Variants in MAP3K4 observed in about 807,000 individuals in gnomAD.
MAP3K4 encodes mitogen-activated protein kinase kinase kinase 4.
In MAP3K4, 67 loss-of-function variants were observed where a neutral mutation model predicts 185.6. The observed-to-expected ratio is 0.36, with a 90% CI of 0.30 to 0.44. The LOEUF (loss-of-function observed/expected upper bound fraction) is 0.44, where lower values mean the gene tolerates loss of function less well. MAP3K4 is among the 20% of genes least tolerant of loss of function. The pLI is 1.00. For missense variants in MAP3K4, 1,551 were observed against 1,995.1 expected (o/e 0.78, Z 4.24); for synonymous variants, 702 against 710.4 (o/e 0.99, Z 0.19).
At chr6:160,995,764 A>G (rs1285067818) in intron 1 of MAP3K4, among the ~76,000 whole-genome samples, 1 of 152,164 alleles carries the variant, frequency 6.6e-6, no homozygotes, top group African/African-American at 2.4e-5. Context: ...GAGCTATTAA[A>G]ACTAATTTGG....
At chr6:161,092,823 A>C (rs1371010152) in intron 13 of MAP3K4, among the ~76,000 whole-genome samples, 155 bp from the exon 14 acceptor site, 1 of 152,202 alleles carries the variant, frequency 6.6e-6, no homozygotes, top group African/African-American at 2.4e-5. Flanking sequence ...TCCTTTCCAA[A>C]AGGTCACGCT....
Position 161,008,414 on chromosome 6 carries a change from G to T in MAP3K4, c.152+16331G>T, listed in dbSNP as rs1046281735. Among the ~76,000 whole-genome samples the T allele has an allele frequency of 6.6e-6, 1 of 152,092 alleles. No individual in the cohort carries two copies. ...AAAGTGTGTGTGTGTGTAAATATATGTAAAATTATAATCCATTTTATTCTT... is the reference window on the plus strand; with the variant it reads ...AAAGTGTGTGTGTGTGTAAATATATTTAAAATTATAATCCATTTTATTCTT... On this transcript the variant is annotated intron_variant, in intron 1 of 26. Transcript: ENST00000392142. This position sits in a 1 kb window ranked among gnomAD's most constrained non-coding sequence, Gnocchi z 4.1.
intron 1 of MAP3K4, among the ~76,000 whole-genome samples, chr6:161,033,434 G>C (rs1783019548): frequency 6.6e-6 from 1 of 152,180 alleles, no homozygotes; most frequent in African/African-American, 2.4e-5. Context: ...AAGTTGGCCA[G>C]GGATAGAGAA....
intron 1 of MAP3K4, among the ~76,000 whole-genome samples, chr6:161,023,483 G>A (rs1428383281): frequency 6.6e-6 from 1 of 152,240 alleles, no homozygotes; most frequent in African/African-American, 2.4e-5. Context: ...ACTTCTCCAT[G>A]AGGATGGAAG....
chr6:161,028,728 T>A (rs1782786962), intron 1 of MAP3K4, among the ~76,000 whole-genome samples: 1 of 152,144 alleles, frequency 6.6e-6, no homozygotes, highest in South Asian at 2.1e-4. Context: ...TAAATGTCTA[T>A]CTTGAAAAAT....
rs1015000314 is a variant in MAP3K4 at position 161,022,188 on chromosome 6, A to G, written c.153-12071A>G. 5 of 152,216 alleles carry G rather than the reference A, an allele frequency of 3.3e-5. No individual in the cohort carries two copies. The highest frequency in any genetic ancestry group is 1.2e-4 in the African/African-American group (5 of 41,460). The allele number at this position is 152,216 out of a possible 1,614,324, so 9.4% of individuals were successfully genotyped here. ...TGAGGCTGTGTTAGAAGTGCTGCAC[A>G]TTGACCTTCCTGGAACGCAGAGTGT... On this transcript the variant is annotated intron_variant, in intron 1 of 26. Transcript: ENST00000392142. This position sits in a 1 kb window ranked among gnomAD's most constrained non-coding sequence, Gnocchi z 4.2.
rs1266297922 is a variant in MAP3K4, at chr6:161,093,012, A to G, written c.3304A>G (p.Ile1102Val). ...TCAAGGATTTGATTTTCTACAAGCA[A>G]TTGAACCTGCCTTTATTTCAGCTTT... is the stretch of plus-strand genomic sequence containing the variant. ...ATQGFDFLQAIEPAFISALPE... is the reference protein window; with the variant it reads ...ATQGFDFLQAVEPAFISALPE... The change falls in exon 14 of 27, where the codon ATT becomes GTT. Residue 1102 changes from isoleucine (I) to valine (V), a missense_variant. Physicochemically the swap from Ile to Val is conservative, Grantham distance 29. Around this residue, in one of 16 missense-constraint regions of MAP3K4, gnomAD observed 272 missense variants for 301.2 expected, o/e 0.90. Coordinates refer to ENST00000392142, the MANE Select transcript of MAP3K4 (RefSeq NM_005922.4). The surrounding 1 kb of genome is among the most constrained non-coding windows in gnomAD (Gnocchi z 5.2). 6.2e-7 allele frequency: 1 copy of G among 1,613,792 alleles called. No homozygotes were observed. Among genetic ancestry groups the G allele is most frequent in the South Asian group, 1.1e-5 (1 of 91,046 alleles).
chr6:161,058,728 G>A lies in MAP3K4; in HGVS notation c.1707+8749G>A, dbSNP rs573105163. 2.6e-5 allele frequency among the ~76,000 whole-genome samples: 4 copies of A among 151,996 alleles called. No homozygotes were observed. In the South Asian group the frequency reaches 6.2e-4, roughly 24 times the overall value. On this transcript the variant is annotated intron_variant, in intron 3 of 26. Coordinates refer to ENST00000392142, the MANE Select transcript of MAP3K4 (RefSeq NM_005922.4). ...TACTACAACTTGAAGGGTTTCCCCC[G>A]TGTTGTCTACTTTGGATCTGTCCTT...
chr6:161,080,869 T>C lies in MAP3K4; in HGVS notation c.2098-12T>C, dbSNP rs1457794745. ...ACTTTCAAATGTCTCCCTTTACTTT[T>C]TGTGTTTTAAGGTGTATTTTGATTA... On this transcript the variant is annotated splice_polypyrimidine_tract_variant and intron_variant, in intron 5 of 26. Coordinates refer to ENST00000392142, the MANE Select transcript of MAP3K4 (RefSeq NM_005922.4). This position sits in a 1 kb window ranked among gnomAD's most constrained non-coding sequence, Gnocchi z 4.8. The C allele has an allele frequency of 3.1e-6, 5 of 1,612,730 alleles. No homozygotes were observed. Among genetic ancestry groups the C allele is most frequent in the Non-Finnish European group, 4.2e-6 (5 of 1,179,166 alleles).
At chr6:161,013,673 G>C (rs934395835) in intron 1 of MAP3K4, among the ~76,000 whole-genome samples, 7 of 152,246 alleles carry the variant, frequency 4.6e-5, no homozygotes, top group African/African-American at 1.7e-4. Context: ...TACATCTCTA[G>C]TGGTGTTAAG....
At position 161,061,561 on chromosome 6, in the gene MAP3K4, T is replaced by C. The variant is rs1409523265; in HGVS notation, c.1708-9047T>C. ...TGCAACCATCCTCACTGTGTAACTT[T>C]GGAACATTTTCATTGCCCCTAAAAG... On this transcript the variant is annotated intron_variant, in intron 3 of 26. Coordinates refer to ENST00000392142, the MANE Select transcript of MAP3K4 (RefSeq NM_005922.4). The surrounding 1 kb of genome is among the most constrained non-coding windows in gnomAD (Gnocchi z 4.2). 1.3e-5 allele frequency among the ~76,000 whole-genome samples: 2 copies of C among 152,264 alleles called. No homozygotes were observed.
chr6:161,024,373 A>G (rs1464767336), intron 1 of MAP3K4, among the ~76,000 whole-genome samples: 1 of 152,238 alleles, frequency 6.6e-6, no homozygotes, highest in African/African-American at 2.4e-5. Context: ...ATAACTTCAT[A>G]TATTTGTCAC....
At position 161,106,406 on chromosome 6, in the gene MAP3K4, G is replaced by C. The variant is rs1360531953; in HGVS notation, c.3857-108G>C. Reference sequence around the variant, plus strand: ...TTTATCTGAATAGATAATAAGCTTTGCTGTAATGGAGTGCTAATATATATT... The same window carrying C: ...TTTATCTGAATAGATAATAAGCTTTCCTGTAATGGAGTGCTAATATATATT... On this transcript the variant is annotated intron_variant, in intron 19 of 26. Transcript: ENST00000392142. This position sits in a 1 kb window ranked among gnomAD's most constrained non-coding sequence, Gnocchi z 4.9. The C allele has an allele frequency of 4.3e-6, 3 of 705,024 alleles. No homozygotes were observed. Among genetic ancestry groups the C allele is most frequent in the Non-Finnish European group, 7.0e-6 (3 of 430,598 alleles). The allele number at this position is 705,024 out of a possible 1,614,324, so 43.7% of individuals were successfully genotyped here.
chr6:161,097,252 G>A lies in MAP3K4; in HGVS notation c.3524+76G>A, dbSNP rs1367051403. 5 of 1,236,088 alleles carry A rather than the reference G, an allele frequency of 4.0e-6. No individual in the cohort carries two copies. The highest frequency in any genetic ancestry group is 3.8e-5 in the South Asian group (3 of 79,336). 76.6% of individuals were successfully genotyped at this position (1,236,088 alleles called of 1,614,324 possible). ...CATGCTCATACTTTTGAAACTACTAGATGCTTGCTCTGAGAGCTAAATACC... is the reference window on the plus strand; with the variant it reads ...CATGCTCATACTTTTGAAACTACTAAATGCTTGCTCTGAGAGCTAAATACC... On this transcript the variant is annotated intron_variant, in intron 16 of 26. Transcript: ENST00000392142. The surrounding 1 kb of genome is among the most constrained non-coding windows in gnomAD (Gnocchi z 4.9).
chr6:161,029,610 C>T (rs1279235265), intron 1 of MAP3K4, among the ~76,000 whole-genome samples: 4 of 152,164 alleles, frequency 2.6e-5, no homozygotes, highest in Non-Finnish European at 5.9e-5. Flanking sequence ...TGTTATTAAA[C>T]ACAAGTAAGA....
chr6:161,091,250 T>C lies in MAP3K4; in HGVS notation c.2974-129T>C. 3 of 641,200 alleles carry C rather than the reference T, an allele frequency of 4.7e-6. No individual in the cohort carries two copies. Among genetic ancestry groups the C allele is most frequent in the Non-Finnish European group, 7.7e-6 (3 of 388,872 alleles). The allele number at this position is 641,200 out of a possible 1,614,324, so 39.7% of individuals were successfully genotyped here. Reference sequence around the variant, plus strand: ...AATTTCTTCTATATTTGGTAATTCCTTTACCAAGTGGCTGAATTGTTTGTA... The same window carrying C: ...AATTTCTTCTATATTTGGTAATTCCCTTACCAAGTGGCTGAATTGTTTGTA... On this transcript the variant is annotated intron_variant, in intron 11 of 26. Coordinates refer to ENST00000392142, the MANE Select transcript of MAP3K4 (RefSeq NM_005922.4). The surrounding 1 kb of genome is among the most constrained non-coding windows in gnomAD (Gnocchi z 5.5).
chr6:160,993,681 C>T (rs1442760917), intron 1 of MAP3K4, among the ~76,000 whole-genome samples: 1 of 151,134 alleles, frequency 6.6e-6, no homozygotes, highest in Non-Finnish European at 1.5e-5. Context: ...TAGGTAAAAG[C>T]GAGAAGGGCA....
In MAP3K4 at chr6:161,073,423, T is replaced by G. The variant is rs1583197130; in HGVS notation, c.1951-43T>G. The G allele has an allele frequency of 6.6e-7, 1 of 1,513,546 alleles. No homozygotes were observed. The highest frequency in any genetic ancestry group is 8.9e-7 in the Non-Finnish European group (1 of 1,128,776). 93.8% of individuals were successfully genotyped at this position (1,513,546 alleles called of 1,614,324 possible). On this transcript the variant is annotated intron_variant, in intron 4 of 26. Coordinates refer to ENST00000392142, the MANE Select transcript of MAP3K4 (RefSeq NM_005922.4). This position sits in a 1 kb window ranked among gnomAD's most constrained non-coding sequence, Gnocchi z 4.2. ...AAGATATAAAACACGGATCGTCTGGTTGGAGTTTATGGCTGCTGGAACCTG... is the reference window on the plus strand; with the variant it reads ...AAGATATAAAACACGGATCGTCTGGGTGGAGTTTATGGCTGCTGGAACCTG...
rs1252558922 is a variant in MAP3K4 at position 160,992,054 on chromosome 6, G to C, written c.123G>C (p.Glu41Asp). 1.3e-6 allele frequency: 2 copies of C among 1,585,210 alleles called. No homozygotes were observed. The highest frequency in any genetic ancestry group is 1.7e-6 in the Non-Finnish European group (2 of 1,171,244). Reference sequence around the variant, plus strand: ...CACCGCCACCGGAACCCGAGACCGAGTCAGAACCCGAGTGCTGCTTGGCGG... The same window carrying C: ...CACCGCCACCGGAACCCGAGACCGACTCAGAACCCGAGTGCTGCTTGGCGG... ...PPPPPPEPETESEPECCLAAR... is the reference protein window; with the variant it reads ...PPPPPPEPETDSEPECCLAAR... The change falls in exon 1 of 27, where the codon GAG (glutamate) becomes GAC (aspartate). Residue 41 changes from glutamate (E) to aspartate (D), a missense_variant. Glu to Asp is a conservative substitution (Grantham distance 45). Coordinates refer to ENST00000392142, the MANE Select transcript of MAP3K4 (RefSeq NM_005922.4).
Sources: allele counts gnomAD v4.1 joint callset (sites outside exome capture counted in the v4.1 genomes callset), GRCh38; gene constraint gnomAD v4.1.1; regional missense constraint gnomAD v4.1.1; non-coding constraint Gnocchi (gnomAD v3.1); transcripts MANE v1.5; gene names NCBI Gene and HGNC (gene_info 2026-07-23, HGNC 2026-07-21).